MECOM: variants seen among roughly 807,000 people sequenced by gnomAD.
MECOM encodes MDS1 and EVI1 complex locus.
A neutral mutation model predicts 116.3 loss-of-function variants in MECOM; 13 were observed. That is an observed-to-expected ratio of 0.11 (90% CI 0.07 to 0.18). MECOM has a LOEUF of 0.18. MECOM is among the 10% of genes least tolerant of loss of function. MECOM has a pLI of 1.00. For missense variants in MECOM, 1,299 were observed against 1,509.0 expected (o/e 0.86, Z 2.31); for synonymous variants, 528 against 535.2 (o/e 0.99, Z 0.19).
intron 2 of MECOM, among the ~76,000 whole-genome samples, chr3:169,190,484 A>G (rs914155340): frequency 2.0e-5 from 3 of 152,062 alleles, no homozygotes; most frequent in African/African-American, 7.2e-5. Context: ...CCTGCTATCA[A>G]TGTATATCAG....
chr3:169,304,128 T>G (rs942315562), intron 2 of MECOM, among the ~76,000 whole-genome samples: 1 of 152,248 alleles, frequency 6.6e-6, no homozygotes, highest in African/African-American at 2.4e-5. Flanking sequence ...ATGAATCAAT[T>G]GAATCAAATT....
intron 2 of MECOM, among the ~76,000 whole-genome samples, chr3:169,206,458 T>C (rs1211752922): frequency 1.3e-5 from 2 of 151,888 alleles, no homozygotes; most frequent in Non-Finnish European, 2.9e-5. Flanking sequence ...CTGCAGAGTG[T>C]TTAAAAATTA....
intron 2 of MECOM, among the ~76,000 whole-genome samples, chr3:169,348,007 C>T (rs935543688): frequency 1.3e-5 from 2 of 151,958 alleles, no homozygotes; most frequent in African/African-American, 4.8e-5. Flanking sequence ...CTAACAAAGT[C>T]CTCTGAAAAT....
chr3:169,196,002 G>A (rs1748367439), intron 2 of MECOM, among the ~76,000 whole-genome samples: 1 of 151,960 alleles, frequency 6.6e-6, no homozygotes, highest in Non-Finnish European at 1.5e-5. Context: ...ATGCTCTCTG[G>A]CTAAACTTTG....
intron 1 of MECOM, among the ~76,000 whole-genome samples, chr3:169,645,053 AC>A (rs1211823985): frequency 1.3e-5 from 2 of 152,196 alleles, no homozygotes; most frequent in Non-Finnish European, 2.9e-5. Flanking sequence ...AACCTCCGGA[AC>A]CATTAGGAAC....
intron 14 of MECOM, 94 bp downstream of exon 14, chr3:169,092,864 A>G: frequency 6.2e-6 from 9 of 1,449,046 alleles, no homozygotes; most frequent in Non-Finnish European, 8.6e-6. Flanking sequence ...TGACTGAAGT[A>G]ATAGTAGTGC....
chr3:169,485,508 T>C (rs1328414328), intron 1 of MECOM, among the ~76,000 whole-genome samples: 1 of 152,122 alleles, frequency 6.6e-6, no homozygotes, highest in African/African-American at 2.4e-5. Context: ...AAAATATCTC[T>C]AGAAAGCTAA....
chr3:169,313,475 T>C lies in MECOM; in HGVS notation c.375+67712A>G, dbSNP rs76063872. Among the ~76,000 whole-genome samples the C allele has an allele frequency of 1.6e-3, 241 of 152,288 alleles. 5 individuals are homozygous for C. In the East Asian group the frequency reaches 0.044, roughly 28 times the overall value. On this transcript the variant is annotated intron_variant, in intron 2 of 16. Transcript: ENST00000651503. ...TACTACAGAGAGAGGGCAGAATAGC[T>C]GAAGGATGTCTGCAGGAGGTGAGAG...
At chr3:169,458,583 A>G (rs767042359) in intron 1 of MECOM, among the ~76,000 whole-genome samples, 1 of 152,164 alleles carries the variant, frequency 6.6e-6, no homozygotes, top group African/African-American at 2.4e-5. Context: ...ACCTGGGTGC[A>G]CTCACATTTA....
At chr3:169,105,653 T>C (rs1440385634) in intron 10 of MECOM, among the ~76,000 whole-genome samples, 1 of 152,142 alleles carries the variant, frequency 6.6e-6, no homozygotes, top group African/African-American at 2.4e-5. Flanking sequence ...GATCCATTAA[T>C]GTCATAGGCT....
At chr3:169,254,677 A>G (rs529651002) in intron 2 of MECOM, among the ~76,000 whole-genome samples, 1 of 152,268 alleles carries the variant, frequency 6.6e-6, no homozygotes, top group South Asian at 2.1e-4. Flanking sequence ...AAATGAGATA[A>G]TATTACTCTC....
chr3:169,580,976 C>T (rs1338947735), intron 1 of MECOM, among the ~76,000 whole-genome samples: 1 of 152,130 alleles, frequency 6.6e-6, no homozygotes, highest in Admixed American at 6.6e-5. Context: ...GGATGTAATC[C>T]ATGTTTCAAG....
Position 169,110,139 on chromosome 3 carries a change from T to C in MECOM, c.2578-2187A>G, listed in dbSNP as rs148867515. On this transcript the variant is annotated intron_variant, in intron 9 of 16. Coordinates refer to ENST00000651503, the MANE Select transcript of MECOM (RefSeq NM_004991.4). ...TGCAAGCACATTAGCTATGAAATCA[T>C]AACAAGCACTAAGAACAGAGGCAAG... 8.1e-3 allele frequency among the ~76,000 whole-genome samples: 1,239 copies of C among 152,284 alleles called. 13 individuals carry two copies. The highest frequency in any genetic ancestry group is 0.028 in the African/African-American group (1,174 of 41,552).
intron 1 of MECOM, among the ~76,000 whole-genome samples, chr3:169,419,106 C>T (rs1483478465): frequency 3.3e-5 from 5 of 152,094 alleles, no homozygotes; most frequent in Non-Finnish European, 2.9e-5. Flanking sequence ...CAATAATAGA[C>T]AAACAGAGAG....
Position 169,338,747 on chromosome 3 carries a change from A to G in MECOM, c.375+42440T>C, listed in dbSNP as rs143735905. 2.3e-3 allele frequency among the ~76,000 whole-genome samples: 346 copies of G among 152,016 alleles called. 3 individuals carry two copies. Among genetic ancestry groups the G allele is most frequent in the African/African-American group, 7.9e-3 (329 of 41,476 alleles). On this transcript the variant is annotated intron_variant, in intron 2 of 16. Transcript: ENST00000651503. The stretch of plus-strand genomic sequence containing the variant: ...CACAAGAATTTCATTCTGCTGTTAT[A>G]CTACACACAATCTTGTAGAATTCCT...
chr3:169,270,915 T>A (rs2149652778), intron 2 of MECOM, among the ~76,000 whole-genome samples: 1 of 152,224 alleles, frequency 6.6e-6, no homozygotes, highest in South Asian at 2.1e-4. Context: ...TTAGTAAAAA[T>A]TATTGCTGGT....
At chr3:169,149,979 C>G (rs2023339) in intron 2 of MECOM, among the ~76,000 whole-genome samples, 4,078 of 123,268 alleles carry the variant, frequency 0.033, 66 homozygotes, top group East Asian at 0.065. Context: ...GTGTGTGTGT[C>G]TGTCTGTCTG....
intron 2 of MECOM, among the ~76,000 whole-genome samples, chr3:169,353,472 A>G (rs1726730834): frequency 6.6e-6 from 1 of 151,848 alleles, no homozygotes; most frequent in Admixed American, 6.6e-5. Context: ...ATGGAGGACA[A>G]TAAAAAAAGA....
chr3:169,275,009 G>GA (rs922277749), intron 2 of MECOM, among the ~76,000 whole-genome samples: 33 of 152,120 alleles, frequency 2.2e-4, no homozygotes, highest in African/African-American at 7.7e-4. Context: ...ATTTAGAAGG[G>GA]AAAAAATCTC....
Sources: allele counts gnomAD v4.1 joint callset (sites outside exome capture counted in the v4.1 genomes callset), GRCh38; gene constraint gnomAD v4.1.1; transcripts MANE v1.5; gene names NCBI Gene and HGNC (gene_info 2026-07-23, HGNC 2026-07-21).